DPP10: variants seen among roughly 807,000 people sequenced by gnomAD.
The protein encoded by DPP10 is dipeptidyl peptidase like 10, also known as inactive dipeptidyl peptidase 10.
In DPP10, 33 loss-of-function variants were observed where a neutral mutation model predicts 120.9. The ratio of observed to expected loss-of-function variants is 0.27; its 90% confidence interval spans 0.21 to 0.37. The LOEUF is 0.37. Among genes scored for constraint, DPP10 ranks in the 10% least tolerant of loss-of-function variants. The pLI, the probability that DPP10 is intolerant of heterozygous loss-of-function variation, is 1.00. For missense variants in DPP10, 816 were observed against 942.8 expected (o/e 0.87, Z 1.76); for synonymous variants, 337 against 326.1 (o/e 1.03, Z -0.36).
chr2:115,749,118 A>G (rs1449179611), intron 10 of DPP10, among the ~76,000 whole-genome samples: 3 of 152,290 alleles, frequency 2.0e-5, no homozygotes, highest in Admixed American at 1.3e-4. Context: ...AGGAAGAAAC[A>G]TTTTGTCAAA....
chr2:115,580,688 A>G (rs977921937), intron 5 of DPP10, among the ~76,000 whole-genome samples: 1 of 152,154 alleles, frequency 6.6e-6, no homozygotes, highest in African/African-American at 2.4e-5. Context: ...ATTTTCTTCA[A>G]TGATTCACTC....
intron 3 of DPP10, among the ~76,000 whole-genome samples, chr2:115,489,513 CA>C (rs1360671296): frequency 6.6e-6 from 1 of 151,648 alleles, no homozygotes; most frequent in Non-Finnish European, 1.5e-5. Context: ...ACAAGAATAA[CA>C]AAACAGTCCC....
intron 1 of DPP10, among the ~76,000 whole-genome samples, chr2:114,978,125 T>C (rs1395677583): frequency 1.3e-5 from 2 of 152,172 alleles, no homozygotes; most frequent in Non-Finnish European, 1.5e-5. Flanking sequence ...TTTAGCAGTT[T>C]GGATCGCTGT....
At chr2:115,087,080 A>C (rs1300547533) in intron 1 of DPP10, among the ~76,000 whole-genome samples, 2 of 152,216 alleles carry the variant, frequency 1.3e-5, no homozygotes, top group African/African-American at 4.8e-5. Flanking sequence ...GGCACTGTGT[A>C]TTCCAAGTCG....
chr2:115,200,742 A>C (rs561142756), intron 1 of DPP10, among the ~76,000 whole-genome samples: 1 of 152,296 alleles, frequency 6.6e-6, no homozygotes, highest in South Asian at 2.1e-4. Flanking sequence ...TTCTGAACCT[A>C]TTCTCATAAA....
At chr2:115,067,548 A>G (rs1259699895) in intron 1 of DPP10, among the ~76,000 whole-genome samples, 7 of 136,676 alleles carry the variant, frequency 5.1e-5, no homozygotes, top group African/African-American at 1.6e-4. Flanking sequence ...CACCGCGCCC[A>G]GCCAGAATTT....
intron 3 of DPP10, among the ~76,000 whole-genome samples, chr2:115,491,825 G>T (rs1208274926): frequency 2.0e-5 from 3 of 152,134 alleles, no homozygotes; most frequent in Non-Finnish European, 4.4e-5. Flanking sequence ...CTGTCAACTG[G>T]ATTAACACAA....
intron 1 of DPP10, among the ~76,000 whole-genome samples, chr2:114,574,484 G>A (rs1451477685): frequency 6.6e-6 from 1 of 152,228 alleles, no homozygotes; most frequent in Non-Finnish European, 1.5e-5. Flanking sequence ...TGGAGGCCCT[G>A]TCTGCTGAGC....
intron 1 of DPP10, among the ~76,000 whole-genome samples, chr2:115,210,772 A>G (rs1366364015): frequency 2.6e-5 from 4 of 152,128 alleles, no homozygotes; most frequent in African/African-American, 7.2e-5. Context: ...ATGGCCAGTG[A>G]TGATGAGCAT....
intron 5 of DPP10, among the ~76,000 whole-genome samples, chr2:115,595,661 C>T (rs2149194129): frequency 6.6e-6 from 1 of 151,998 alleles, no homozygotes. Context: ...TGCCATAAAC[C>T]TTCTATAACT....
intron 1 of DPP10, among the ~76,000 whole-genome samples, chr2:114,768,926 A>C (rs967690209): frequency 6.6e-6 from 1 of 152,192 alleles, no homozygotes; most frequent in Admixed American, 6.5e-5. Context: ...AGTGGAAATC[A>C]CATTTCAGAT....
At chr2:115,691,142 T>A (rs1319035157) in intron 7 of DPP10, among the ~76,000 whole-genome samples, 1 of 152,140 alleles carries the variant, frequency 6.6e-6, no homozygotes, top group Non-Finnish European at 1.5e-5. Context: ...AAGGAACCCC[T>A]TATATGTTCT....
At chr2:115,099,832 T>C (rs1013343338) in intron 1 of DPP10, among the ~76,000 whole-genome samples, 1 of 152,078 alleles carries the variant, frequency 6.6e-6, no homozygotes, top group East Asian at 1.9e-4. Flanking sequence ...AGCTTCTGAG[T>C]GTTGTAGGGT....
chr2:114,505,562 T>A (rs1374858728), intron 1 of DPP10, among the ~76,000 whole-genome samples: 1 of 152,056 alleles, frequency 6.6e-6, no homozygotes, highest in Non-Finnish European at 1.5e-5. Flanking sequence ...AAATAATCAA[T>A]ATGCCCAAAT....
At chr2:115,071,569 GAT>G (rs1314466538) in intron 1 of DPP10, among the ~76,000 whole-genome samples, 1 of 152,118 alleles carries the variant, frequency 6.6e-6, no homozygotes, top group Non-Finnish European at 1.5e-5. Flanking sequence ...TGGATTCGGT[GAT>G]CAGGTGAGTT....
chr2:114,624,136 G>T (rs188176446), intron 1 of DPP10, among the ~76,000 whole-genome samples: 3 of 152,032 alleles, frequency 2.0e-5, no homozygotes, highest in South Asian at 2.1e-4. Context: ...AAGAGGTAAT[G>T]GTTAGTTCTG....
At chr2:115,345,806 T>C (rs182310993) in intron 3 of DPP10, among the ~76,000 whole-genome samples, 51 of 152,344 alleles carry the variant, frequency 3.3e-4, no homozygotes, top group African/African-American at 1.2e-3. Context: ...TCTACTCTTA[T>C]ACTTCATAGG....
intron 2 of DPP10, among the ~76,000 whole-genome samples, chr2:115,335,666 C>T (rs1487384645): frequency 1.3e-5 from 2 of 152,050 alleles, no homozygotes; most frequent in Non-Finnish European, 2.9e-5. Context: ...AGAATTTAAT[C>T]TTGACTATTG....
intron 1 of DPP10, among the ~76,000 whole-genome samples, chr2:114,954,185 A>G (rs1698027293): frequency 6.9e-6 from 1 of 144,902 alleles, no homozygotes; most frequent in South Asian, 2.2e-4. Context: ...GGTTCTTGCC[A>G]TTCTCCTGCC....
Sources: gnomAD v4.1 joint callset for allele counts (sites outside exome capture counted in the v4.1 genomes callset) on GRCh38, gnomAD v4.1.1 for gene constraint, MANE v1.5 for transcripts, NCBI Gene and HGNC (gene_info 2026-07-23, HGNC 2026-07-21) for gene names.